PSMA1: variants seen among roughly 807,000 people sequenced by gnomAD.
PSMA1 encodes the protein proteasome subunit alpha type-1.
A neutral mutation model predicts 38.4 loss-of-function variants in PSMA1; 3 were observed. The observed-to-expected ratio is 0.08, with a 90% CI of 0.04 to 0.20. The LOEUF is 0.20. Ranked by LOEUF, PSMA1 falls within the 10% of genes least tolerant of loss-of-function variation. The pLI is 1.00. For synonymous variants in PSMA1, 101 were observed against 107.1 expected (o/e 0.94, Z 0.35); for missense variants, 227 against 325.3 (o/e 0.70, Z 2.32).
intron 2 of PSMA1, among the ~76,000 whole-genome samples, chr11:14,554,319 T>A (rs1851919357): frequency 6.6e-6 from 1 of 152,202 alleles, no homozygotes; most frequent in South Asian, 2.1e-4. Flanking sequence ...TTAAGTTTGA[T>A]GAAGTCTAAT....
intron 2 of PSMA1, among the ~76,000 whole-genome samples, chr11:14,547,371 T>C (rs1018738373): frequency 2.0e-5 from 3 of 152,238 alleles, no homozygotes; most frequent in African/African-American, 7.2e-5. Flanking sequence ...TTTGTATTTC[T>C]TTTCGTCATT....
chr11:14,621,134 G>A (rs1027059835), intron 1 of PSMA1, among the ~76,000 whole-genome samples: 2 of 152,094 alleles, frequency 1.3e-5, no homozygotes, highest in African/African-American at 4.8e-5. Context: ...AGTCATTTAG[G>A]TAATGGAAAA....
At chr11:14,535,590 T>C (rs993976945) in intron 2 of PSMA1, among the ~76,000 whole-genome samples, 8 of 151,866 alleles carry the variant, frequency 5.3e-5, no homozygotes, top group Non-Finnish European at 1.0e-4. Flanking sequence ...ATTACAAGCA[T>C]GCGCCACCAC....
In PSMA1 at chr11:14,517,873, T is replaced by C; in HGVS notation, c.150+7A>G. ...ACAGAGGAAGACATATTTATTACTG[T>C]ACTTACTTTCAATGCAACCAAAACT... On this transcript the variant is annotated splice_region_variant and intron_variant, in intron 3 of 9. Coordinates refer to ENST00000396394, the MANE Select transcript of PSMA1 (RefSeq NM_002786.4). 1 of 1,592,578 alleles carries C rather than the reference T, an allele frequency of 6.3e-7. No homozygotes were observed. Among genetic ancestry groups the C allele is most frequent in the Non-Finnish European group, 8.6e-7 (1 of 1,167,878 alleles).
At chr11:14,578,608 G>A (rs1852247311) in intron 2 of PSMA1, among the ~76,000 whole-genome samples, 1 of 152,168 alleles carries the variant, frequency 6.6e-6, no homozygotes, top group East Asian at 1.9e-4. Context: ...AGTAAAGAAG[G>A]TATTCTTGGC....
chr11:14,567,354 T>G (rs1439169140), intron 2 of PSMA1, among the ~76,000 whole-genome samples: 1 of 152,254 alleles, frequency 6.6e-6, no homozygotes, highest in Non-Finnish European at 1.5e-5. Context: ...TGGAAGTTTC[T>G]TGATATCTAC....
At chr11:14,576,409 T>A (rs1418313560) in intron 2 of PSMA1, among the ~76,000 whole-genome samples, 1 of 152,236 alleles carries the variant, frequency 6.6e-6, no homozygotes, top group African/African-American at 2.4e-5. Flanking sequence ...TTTTATGGTT[T>A]TAGGTCTAAC....
At chr11:14,515,142 C>T (rs998916276) in intron 4 of PSMA1, among the ~76,000 whole-genome samples, 1 of 152,110 alleles carries the variant, frequency 6.6e-6, no homozygotes, top group East Asian at 1.9e-4. Flanking sequence ...CCAGTATATG[C>T]GTATGTCACA....
At chr11:14,526,988 A>G (rs1268994828) in intron 2 of PSMA1, among the ~76,000 whole-genome samples, 1 of 152,176 alleles carries the variant, frequency 6.6e-6, no homozygotes, top group Non-Finnish European at 1.5e-5. Flanking sequence ...ACTACGCGTC[A>G]ATATTTATAC....
intron 2 of PSMA1, among the ~76,000 whole-genome samples, chr11:14,533,112 T>C (rs1851667831): frequency 6.6e-6 from 1 of 152,192 alleles, no homozygotes; most frequent in Non-Finnish European, 1.5e-5. Context: ...TCTTATTTCA[T>C]AGAAATAAAT....
rs374243163 is a variant in PSMA1 at position 14,638,506 on chromosome 11, CCTCTCTCTCTCT to C, written c.-166+4937_-166+4948del. 5.7e-3 allele frequency among the ~76,000 whole-genome samples: 182 copies of C among 31,886 alleles called. 1 individual carries two copies. Among genetic ancestry groups the C allele is most frequent in the South Asian group, 1.0e-2 (5 of 502 alleles). 20.9% of individuals were successfully genotyped at this position (31,886 alleles called of 152,430 possible). ...TAAGTTGGCTTAGTGGAGAAACACA[CCTCTCTCTCTCT>C]CTCTCTCTCTCTCTCTCTCTCTCTC... is the stretch of plus-strand genomic sequence containing the variant. On this transcript the variant is annotated intron_variant, in intron 1 of 10. Transcript: ENST00000418988.
intron 2 of PSMA1, among the ~76,000 whole-genome samples, chr11:14,544,050 T>C (rs1410990437): frequency 6.6e-6 from 1 of 152,186 alleles, no homozygotes; most frequent in Non-Finnish European, 1.5e-5. Context: ...TAAAACTTTT[T>C]CTTTTTTGAG....
At chr11:14,642,483 C>T (rs1378875828) in intron 1 of PSMA1, among the ~76,000 whole-genome samples, 1 of 152,176 alleles carries the variant, frequency 6.6e-6, no homozygotes, top group Non-Finnish European at 1.5e-5. Context: ...GTGCTAATTT[C>T]TTAGTGCCTT....
chr11:14,557,623 C>T (rs989600521), intron 2 of PSMA1, among the ~76,000 whole-genome samples: 1 of 152,144 alleles, frequency 6.6e-6, no homozygotes, highest in Non-Finnish European at 1.5e-5. Context: ...TCTCTGTTTT[C>T]CCCTCACTCC....
intron 2 of PSMA1, among the ~76,000 whole-genome samples, chr11:14,570,865 T>C (rs1852131018): frequency 6.6e-6 from 1 of 152,084 alleles, no homozygotes; most frequent in East Asian, 1.9e-4. Context: ...ACCACAAAGA[T>C]ACTCCTTGAG....
At chr11:14,525,755 CT>C (rs1851578893) in intron 2 of PSMA1, among the ~76,000 whole-genome samples, 1 of 152,190 alleles carries the variant, frequency 6.6e-6, no homozygotes, top group Admixed American at 6.5e-5. Context: ...CCCAGCCTCT[CT>C]TTGCTTTTAC....
At chr11:14,572,875 T>C (rs1040367986) in intron 2 of PSMA1, among the ~76,000 whole-genome samples, 9 of 152,270 alleles carry the variant, frequency 5.9e-5, no homozygotes, top group Admixed American at 1.3e-4. Flanking sequence ...CATCAGAGAA[T>C]ACTATAAACA....
At chr11:14,620,719 CTT>C (rs1465667068) in intron 1 of PSMA1, among the ~76,000 whole-genome samples, 2 of 152,174 alleles carry the variant, frequency 1.3e-5, no homozygotes, top group African/African-American at 2.4e-5. Flanking sequence ...AGTGGCTCAA[CTT>C]TTTTTGTAGA....
intron 1 of PSMA1, among the ~76,000 whole-genome samples, chr11:14,633,311 T>C (rs932022398): frequency 6.6e-6 from 1 of 152,074 alleles, no homozygotes; most frequent in East Asian, 1.9e-4. Context: ...TACAGATGGG[T>C]TTTTGGTGTG....
Sources: allele counts gnomAD v4.1 joint callset (sites outside exome capture counted in the v4.1 genomes callset), GRCh38; gene constraint gnomAD v4.1.1; transcripts MANE v1.5; gene names NCBI Gene and HGNC (gene_info 2026-07-23, HGNC 2026-07-21).